SMCO2: variants seen among roughly 807,000 people sequenced by gnomAD.
SMCO2 encodes the protein single-pass membrane and coiled-coil domain-containing protein 2.
SMCO2 carries 25 observed loss-of-function variants against 29.5 expected under a neutral mutation model. The ratio of observed to expected loss-of-function variants is 0.85; its 90% CI spans 0.62 to 1.18. SMCO2 has a LOEUF of 1.18. Among genes scored for constraint, SMCO2 ranks in the 50% most tolerant of loss-of-function variants. The pLI is 0.00. For missense variants in SMCO2, 348 were observed against 344.5 expected (o/e 1.01, Z -0.08); for synonymous variants, 117 against 123.3 (o/e 0.95, Z 0.34).
the SMCO2 span, among the ~76,000 whole-genome samples, chr12:27,440,886 A>T: frequency 3.9e-5 from 6 of 152,206 alleles, no homozygotes; most frequent in African/African-American, 1.4e-4. Context: ...CACAGAAAAC[A>T]AGCAACAAAA....
At chr12:27,481,294 C>A (rs1949641079) in intron 4 of SMCO2, among the ~76,000 whole-genome samples, 1 of 152,188 alleles carries the variant, frequency 6.6e-6, no homozygotes, top group African/African-American at 2.4e-5. Context: ...CCAGACAGCT[C>A]CCTATACTGG....
chr12:27,456,731 A>G, the SMCO2 span, among the ~76,000 whole-genome samples: 13 of 152,200 alleles, frequency 8.5e-5, no homozygotes, highest in African/African-American at 3.1e-4. Flanking sequence ...ACTGATGTAT[A>G]AAACCTACCA....
the SMCO2 span, among the ~76,000 whole-genome samples, chr12:27,429,756 C>T: frequency 0.022 from 3,393 of 152,300 alleles, 135 homozygotes; most frequent in African/African-American, 0.077. Context: ...GTACACCTCT[C>T]TCCTGTTGTT....
the SMCO2 span, among the ~76,000 whole-genome samples, chr12:27,453,185 C>T: frequency 9.2e-5 from 14 of 152,292 alleles, no homozygotes; most frequent in East Asian, 2.1e-3. Flanking sequence ...AGTACCTTCT[C>T]CAGGAATTGG....
intron 6 of SMCO2, among the ~76,000 whole-genome samples, chr12:27,495,199 C>T (rs943019514): frequency 1.1e-4 from 17 of 152,020 alleles, no homozygotes; most frequent in Non-Finnish European, 2.5e-4. Flanking sequence ...TCCGTTCCCA[C>T]ACCCTATTTG....
chr12:27,497,957 G>A (rs761257552), intron 7 of SMCO2: 1 of 323,520 alleles, frequency 3.1e-6, no homozygotes, highest in Non-Finnish European at 6.1e-6. Flanking sequence ...GTTGCTAGGG[G>A]AAGACAAGAA....
the SMCO2 span, among the ~76,000 whole-genome samples, chr12:27,438,345 A>T: frequency 6.6e-6 from 1 of 152,012 alleles, no homozygotes; most frequent in African/African-American, 2.4e-5. Flanking sequence ...ATTGATGATA[A>T]CTCTCAAACC....
the SMCO2 span, among the ~76,000 whole-genome samples, chr12:27,448,640 A>G: frequency 6.6e-6 from 1 of 152,226 alleles, no homozygotes. Context: ...CTCCAGTTCT[A>G]AACAAAAGTA....
the SMCO2 span, among the ~76,000 whole-genome samples, chr12:27,443,094 AC>A: frequency 2.6e-5 from 4 of 152,250 alleles, no homozygotes; most frequent in Admixed American, 1.3e-4. Context: ...TTTCTGATGG[AC>A]ATAGATGCAA....
the SMCO2 span, among the ~76,000 whole-genome samples, chr12:27,446,131 T>G: frequency 6.6e-6 from 1 of 152,146 alleles, no homozygotes; most frequent in East Asian, 1.9e-4. Flanking sequence ...CTTGAACTCC[T>G]GACCTCGTAA....
At chr12:27,498,428 C>G (rs1285049680) in intron 7 of SMCO2, 1 of 215,970 alleles carries the variant, frequency 4.6e-6, no homozygotes, top group African/African-American at 2.4e-5. Flanking sequence ...CTGGCAGCTA[C>G]TTTCACAGAG....
the SMCO2 span, among the ~76,000 whole-genome samples, chr12:27,441,314 C>T: frequency 6.6e-6 from 1 of 152,132 alleles, no homozygotes; most frequent in African/African-American, 2.4e-5. Flanking sequence ...TAAGTAATAT[C>T]TAACTACATG....
chr12:27,495,510 T>C (rs943134519), intron 6 of SMCO2, among the ~76,000 whole-genome samples, 170 bp from the exon 8 acceptor site: 2 of 150,652 alleles, frequency 1.3e-5, no homozygotes, highest in East Asian at 1.9e-4. Context: ...AATGTGTATG[T>C]CTGCTTCTAT....
chr12:27,440,391 T>A, the SMCO2 span, among the ~76,000 whole-genome samples: 5 of 152,262 alleles, frequency 3.3e-5, no homozygotes, highest in Admixed American at 3.3e-4. Flanking sequence ...AACACTAACG[T>A]GCAAAGGAAA....
At chr12:27,476,361 T>C (rs1033945936) in intron 4 of SMCO2, among the ~76,000 whole-genome samples, 5 of 152,216 alleles carry the variant, frequency 3.3e-5, no homozygotes, top group Non-Finnish European at 5.9e-5. Context: ...GTTCTGTAAA[T>C]GTCTGTTAGA....
chr12:27,448,456 T>C, the SMCO2 span, among the ~76,000 whole-genome samples: 2 of 152,186 alleles, frequency 1.3e-5, no homozygotes, highest in African/African-American at 4.8e-5. Context: ...TTCTTTCTAT[T>C]TTCCCCCAAC....
chr12:27,479,796 A>G (rs997149421), intron 4 of SMCO2, among the ~76,000 whole-genome samples: 17 of 152,160 alleles, frequency 1.1e-4, no homozygotes, highest in African/African-American at 3.9e-4. Flanking sequence ...CTCTTCCTTC[A>G]TCTTCCACCA....
the SMCO2 span, among the ~76,000 whole-genome samples, chr12:27,433,536 CACACACATAT>C: frequency 4.0e-5 from 6 of 150,974 alleles, no homozygotes; most frequent in Non-Finnish European, 8.8e-5. Flanking sequence ...CACACACACA[CACACACATAT>C]ATCATATTCT....
At chr12:27,485,336 A>T (rs1949679960) in intron 4 of SMCO2, among the ~76,000 whole-genome samples, 1 of 151,740 alleles carries the variant, frequency 6.6e-6, no homozygotes, top group African/African-American at 2.4e-5. Context: ...AAATGTACTC[A>T]TGTTTTTCTC....
Sources: allele counts gnomAD v4.1 joint callset (sites outside exome capture counted in the v4.1 genomes callset), GRCh38; gene constraint gnomAD v4.1.1; transcripts MANE v1.5; gene names NCBI Gene and HGNC (gene_info 2026-07-23, HGNC 2026-07-21).